Variants in PLCG2 observed in about 807,000 individuals in gnomAD.
PLCG2 encodes the protein 1-phosphatidylinositol 4,5-bisphosphate phosphodiesterase gamma-2.
In PLCG2, 69 loss-of-function variants were observed where a neutral mutation model predicts 175.6. The observed-to-expected ratio is 0.39, with a 90% confidence interval of 0.32 to 0.48. The LOEUF is 0.48. PLCG2 is among the 20% of genes least tolerant of loss of function. The pLI is 0.91. For missense variants in PLCG2, 1,798 were observed against 1,650.9 expected, an observed-to-expected ratio of 1.09 and a Z score of -1.54; for synonymous variants, 827 against 624.0, an observed-to-expected ratio of 1.33 and a Z score of -4.85.
intron 13 of PLCG2, among the ~76,000 whole-genome samples, chr16:81,900,192 C>A (rs1909086684): frequency 1.3e-5 from 2 of 152,044 alleles, no homozygotes; most frequent in African/African-American, 4.8e-5. Context: ...AATAAACATA[C>A]TAAAGTAGGT....
chr16:81,810,462 G>C (rs2143290984), intron 2 of PLCG2, among the ~76,000 whole-genome samples: 1 of 152,302 alleles, frequency 6.6e-6, no homozygotes, highest in African/African-American at 2.4e-5. Context: ...CAAACCAGTA[G>C]TTCTGGCCCT....
At chr16:81,835,407 C>G (rs1428813951) in intron 2 of PLCG2, among the ~76,000 whole-genome samples, 2 of 151,724 alleles carry the variant, frequency 1.3e-5, no homozygotes, top group Non-Finnish European at 2.9e-5. Flanking sequence ...AGCAGCCTGG[C>G]CAACATGGCG....
intron 2 of PLCG2, among the ~76,000 whole-genome samples, chr16:81,797,125 G>T (rs1310618444): frequency 6.6e-6 from 1 of 152,184 alleles, no homozygotes; most frequent in African/African-American, 2.4e-5. Context: ...GTGGGTAAAC[G>T]AGGGAGGCAG....
At chr16:81,925,885 CAAA>C (rs755323945) in intron 22 of PLCG2, among the ~76,000 whole-genome samples, 1,010 of 19,720 alleles carry the variant, frequency 0.051, 10 homozygotes, top group African/African-American at 0.14. Context: ...GACTCTGTCT[CAAA>C]AAAAAAAAAA....
intron 1 of PLCG2, among the ~76,000 whole-genome samples, chr16:81,742,081 C>A (rs1909606663): frequency 6.9e-6 from 1 of 144,662 alleles, no homozygotes; most frequent in African/African-American, 2.6e-5. Flanking sequence ...CTACTCGCTT[C>A]CTCCATGTGC....
At chr16:81,824,975 C>G (rs542359757) in intron 2 of PLCG2, among the ~76,000 whole-genome samples, 1 of 152,170 alleles carries the variant, frequency 6.6e-6, no homozygotes, top group Non-Finnish European at 1.5e-5. Context: ...GAGCAGGATT[C>G]TGGCTTTGAA....
At chr16:81,771,114 C>G (rs1261087037) in intron 2 of PLCG2, among the ~76,000 whole-genome samples, 1 of 152,022 alleles carries the variant, frequency 6.6e-6, no homozygotes, top group Non-Finnish European at 1.5e-5. Context: ...GTACAGAGCT[C>G]AGTACATTTT....
Position 81,786,059 on chromosome 16 carries a change from C to G in PLCG2, c.70C>G (p.Leu24Val). The G allele has an allele frequency of 1.2e-6, 2 of 1,614,202 alleles. No individual in the cohort carries two copies. Among genetic ancestry groups the G allele is most frequent in the Non-Finnish European group, 1.7e-6 (2 of 1,180,020 alleles). The part of the protein sequence containing the change: ...EKSQIKRALE[L>V]GTVMTVFSFR... ...GAGCCAGATCAAGAGAGCCCTGGAG[C>G]TGGGGACGGTGATGACTGTGTTCAG... is the stretch of plus-strand genomic sequence containing the variant. The change falls in exon 2 of 33, where the codon CTG becomes GTG. Residue 24 changes from leucine (L) to valine (V), a missense_variant. Leu to Val is a conservative substitution (Grantham distance 32). Coordinates refer to ENST00000564138, the MANE Select transcript of PLCG2 (RefSeq NM_002661.5).
chr16:81,911,734 C>CT (rs1909632375), intron 18 of PLCG2, among the ~76,000 whole-genome samples: 1 of 150,726 alleles, frequency 6.6e-6, no homozygotes, highest in African/African-American at 2.4e-5. Context: ...CCTCAGCCTC[C>CT]TGAGTAGCTG....
At chr16:81,876,945 A>T (rs1054887632) in intron 7 of PLCG2, among the ~76,000 whole-genome samples, 2 of 152,196 alleles carry the variant, frequency 1.3e-5, no homozygotes, top group African/African-American at 4.8e-5. Flanking sequence ...AGATTTACCA[A>T]GGTGGGCCTG....
chr16:81,845,801 C>A (rs994009779), intron 2 of PLCG2, among the ~76,000 whole-genome samples: 1 of 152,340 alleles, frequency 6.6e-6, no homozygotes, highest in Non-Finnish European at 1.5e-5. Context: ...CACCGACCCC[C>A]TCAGACTTTG....
rs764926974 is a variant in PLCG2 at position 81,927,149 on chromosome 16, A to G, written c.2485A>G (p.Thr829Ala). The G allele has an allele frequency of 1.2e-6, 2 of 1,613,236 alleles. No individual in the cohort carries two copies. The highest frequency in any genetic ancestry group is 1.7e-6 in the Non-Finnish European group (2 of 1,179,178). Residue 829 changes from threonine to alanine, a missense_variant, in exon 23 of 33, where the codon ACT becomes GCT. Transcript: ENST00000564138. ...FPSNYVEDIS[T>A]ADFEELEKQI... is the part of the protein sequence containing the mutation. ...ATCCAACTACGTCGAGGACATCTCA[A>G]CTGCAGACTTCGAGGAGCTAGAAAA...
intron 22 of PLCG2, among the ~76,000 whole-genome samples, chr16:81,925,717 G>A (rs1231719848): frequency 5.9e-5 from 9 of 152,060 alleles, no homozygotes; most frequent in Non-Finnish European, 1.3e-4. Context: ...GTAAAACCCT[G>A]TCTCTACTAA....
intron 2 of PLCG2, among the ~76,000 whole-genome samples, chr16:81,787,535 CTT>C (rs34698199): frequency 0.033 from 4,705 of 141,402 alleles, 225 homozygotes; most frequent in African/African-American, 0.11. Context: ...GCCTTGCACT[CTT>C]TTTTTTTTTT....
At chr16:81,754,143 C>A (rs1467131186) in intron 1 of PLCG2, among the ~76,000 whole-genome samples, 1 of 151,970 alleles carries the variant, frequency 6.6e-6, no homozygotes, top group African/African-American at 2.4e-5. Context: ...GGACCCACTT[C>A]TAGGTTTGCC....
chr16:81,775,553 A>T (rs1910380334), upstream of PLCG2, among the ~76,000 whole-genome samples: 1 of 152,162 alleles, frequency 6.6e-6, no homozygotes, highest in African/African-American at 2.4e-5. Context: ...CCTCAGATGT[A>T]GGTACATTTC....
chr16:81,862,548 C>CTTTTCCT (rs1907034332), intron 5 of PLCG2, among the ~76,000 whole-genome samples: 1 of 152,140 alleles, frequency 6.6e-6, no homozygotes, highest in South Asian at 2.1e-4. Flanking sequence ...ACTGGTGTTG[C>CTTTTCCT]TTTTCCTTTT....
chr16:81,893,877 T>C, intron 12 of PLCG2, 83 bp downstream of exon 12: 1 of 836,748 alleles, frequency 1.2e-6, no homozygotes, highest in Non-Finnish European at 2.0e-6. Flanking sequence ...TCTTTCGAAT[T>C]GTAAAAAGGT....
rs972313564 is a variant in PLCG2, at chr16:81,870,953, C to T, written c.648+18C>T. 3.2e-6 allele frequency: 4 copies of T among 1,254,790 alleles called. No individual in the cohort carries two copies. Among genetic ancestry groups the T allele is most frequent in the Non-Finnish European group, 2.3e-6 (2 of 868,028 alleles). 77.7% of individuals were successfully genotyped at this position (1,254,790 alleles called of 1,614,324 possible). ...AAAAATCGGTAAGATGATTCTTGAG[C>T]AAGTGATCAAGTGATGTTTCTGTTT... On this transcript the variant is annotated intron_variant, in intron 7 of 32. Transcript: ENST00000564138.
Sources: gnomAD v4.1 joint callset for allele counts (sites outside exome capture counted in the v4.1 genomes callset) on GRCh38, gnomAD v4.1.1 for gene constraint, MANE v1.5 for transcripts, NCBI Gene and HGNC (gene_info 2026-07-23, HGNC 2026-07-21) for gene names.